TCF7: variants seen among roughly 807,000 people sequenced by gnomAD.
TCF7 encodes the protein transcription factor 7.
TCF7 carries 19 observed loss-of-function variants against 46.8 expected under a neutral mutation model. That is an observed-to-expected ratio of 0.41 (90% CI 0.28 to 0.60). TCF7 has a LOEUF of 0.60. Among genes scored for constraint, TCF7 ranks in the 20% least tolerant of loss-of-function variants. The probability of loss-of-function intolerance (pLI) is 0.35; values close to 1 mark genes in which losing one functional copy is unlikely to be tolerated. For missense variants in TCF7, 547 were observed against 504.6 expected, an observed-to-expected ratio of 1.08 and a Z score of -0.81; for synonymous variants, 245 against 213.4, an observed-to-expected ratio of 1.15 and a Z score of -1.29.
chr5:134,137,674 T>G (rs531026797), intron 3 of TCF7, among the ~76,000 whole-genome samples: 29 of 152,092 alleles, frequency 1.9e-4, no homozygotes, highest in Non-Finnish European at 3.1e-4. Context: ...TAGCTGTGCT[T>G]CTTCCAGGGT....
upstream of TCF7, among the ~76,000 whole-genome samples, chr5:134,111,656 TG>T (rs528132501): frequency 2.6e-4 from 39 of 152,198 alleles, no homozygotes; most frequent in African/African-American, 8.2e-4. Context: ...ATCCTGTTGA[TG>T]GCCCCCTTCA....
intron 5 of TCF7, chr5:134,140,628 T>G: frequency 2.8e-6 from 1 of 362,806 alleles, no homozygotes. Flanking sequence ...CATACAAGTT[T>G]ATAGAGGGAA....
chr5:134,131,718 C>T (rs781003264), intron 3 of TCF7, among the ~76,000 whole-genome samples: 1 of 152,246 alleles, frequency 6.6e-6, no homozygotes, highest in Non-Finnish European at 1.5e-5. Flanking sequence ...CCCAGGCCAA[C>T]CTCTCTGCCA....
chr5:134,131,591 G>C (rs1758132347), intron 3 of TCF7, among the ~76,000 whole-genome samples: 1 of 152,194 alleles, frequency 6.6e-6, no homozygotes, highest in Non-Finnish European at 1.5e-5. Context: ...TGGCTGAGGA[G>C]GGAGGCATGC....
Position 134,115,308 on chromosome 5 carries a change from G to T in TCF7, c.250-13G>T. 1.3e-6 allele frequency: 2 copies of T among 1,565,316 alleles called. No individual in the cohort carries two copies. The highest frequency in any genetic ancestry group is 1.2e-5 in the South Asian group (1 of 84,938). The stretch of plus-strand genomic sequence containing the variant: ...TCCCACCGCCCCTCACTCCCCTCCG[G>T]TTCTCCCTCCAGGCTCTCGGGCGGG... On this transcript the variant is annotated splice_polypyrimidine_tract_variant and intron_variant, in intron 1 of 9. Coordinates refer to ENST00000342854, the MANE Select transcript of TCF7 (RefSeq NM_003202.5).
Position 134,147,299 on chromosome 5 carries a change from G to T in TCF7, c.*996G>T, listed in dbSNP as rs1336279261. 6.6e-6 allele frequency: 1 copy of T among 152,306 alleles called. No individual in the cohort carries two copies. The highest frequency in any genetic ancestry group is 1.5e-5 in the Non-Finnish European group (1 of 68,124). The allele number at this position is 152,306 out of a possible 1,614,324, so 9.4% of individuals were successfully genotyped here. A position where few individuals can be genotyped will look rare whatever the true frequency, so the allele number is the denominator to read the frequency against. On this transcript the variant is annotated 3_prime_UTR_variant, in exon 10 of 10. Coordinates refer to ENST00000342854, the MANE Select transcript of TCF7 (RefSeq NM_003202.5). ...GGCCCCAGGCTTGTCACTAGCAGCTGCAGTCAACAGTTCAAAGAAGTCATG... is the reference window on the plus strand; with the variant it reads ...GGCCCCAGGCTTGTCACTAGCAGCTTCAGTCAACAGTTCAAAGAAGTCATG...
At chr5:134,145,819 G>C (rs372648844) in intron 9 of TCF7, 1 of 1,613,212 alleles carries the variant, frequency 6.2e-7, no homozygotes, top group African/African-American at 1.3e-5. Flanking sequence ...AGCCCAGCTT[G>C]AGGACTGGGA....
At chr5:134,115,294 C>T in intron 1 of TCF7, 27 bp from the exon 2 acceptor site, 1 of 1,542,210 alleles carries the variant, frequency 6.5e-7, no homozygotes, top group Non-Finnish European at 8.7e-7. Context: ...CCCACCGCCC[C>T]TCACTCCCCT....
intron 4 of TCF7, 98 bp downstream of exon 4, chr5:134,138,262 G>C (rs973746174): frequency 4.4e-5 from 48 of 1,079,204 alleles, no homozygotes; most frequent in Admixed American, 2.4e-4. Flanking sequence ...TTTATAACTG[G>C]AGAACCTGGG....
At chr5:134,112,916 G>A (rs1755355649), upstream of TCF7, among the ~76,000 whole-genome samples, 1 of 152,176 alleles carries the variant, frequency 6.6e-6, no homozygotes, top group Non-Finnish European at 1.5e-5. Flanking sequence ...CAGCTATTCT[G>A]GAGGACGTTC....
rs756967795 is a variant in TCF7 at position 134,142,252 on chromosome 5, G to A, written c.703G>A (p.Ala235Thr). Residue 235 changes from alanine to threonine, a missense_variant, in exon 6 of 10, where the codon GCC (alanine) becomes ACC (threonine). Physicochemically the swap from Ala to Thr is moderately conservative, Grantham distance 58. This residue lies in a region of TCF7 where 425 missense variants were observed against 349.9 expected (regional missense o/e 1.21). Coordinates refer to ENST00000342854, the MANE Select transcript of TCF7 (RefSeq NM_003202.5). Reference sequence around the variant, plus strand: ...TCACCCAGCAGCCATCCCCCACCCGGCCATTGTGCCCCCCTCAGGGAAGCA... The same window carrying A: ...TCACCCAGCAGCCATCCCCCACCCGACCATTGTGCCCCCCTCAGGGAAGCA... ...PGHPAAIPHP[A>T]IVPPSGKQEL... The A allele has an allele frequency of 5.0e-6, 8 of 1,609,158 alleles. No individual in the cohort carries two copies. The highest frequency in any genetic ancestry group is 6.0e-6 in the Non-Finnish European group (7 of 1,176,384).
chr5:134,130,402 G>A (rs1757955050), intron 3 of TCF7, among the ~76,000 whole-genome samples: 1 of 152,176 alleles, frequency 6.6e-6, no homozygotes, highest in Non-Finnish European at 1.5e-5. Context: ...CTGACTGGTG[G>A]GCCCTAGCAG....
At chr5:134,137,708 C>T (rs1759097687) in intron 3 of TCF7, among the ~76,000 whole-genome samples, 3 of 150,942 alleles carry the variant, frequency 2.0e-5, no homozygotes, top group Middle Eastern at 3.4e-3. Context: ...CCTGGGTCCT[C>T]AGGCCATGCC....
At chr5:134,145,936 C>A in intron 9 of TCF7, 2 of 1,495,652 alleles carry the variant, frequency 1.3e-6, no homozygotes, top group East Asian at 4.9e-5. Context: ...GGAGATGACT[C>A]CCTTGGAAGA....
chr5:134,146,635 C>T lies in TCF7; in HGVS notation c.*332C>T. The stretch of plus-strand genomic sequence containing the variant: ...TTAACGTCATCTCAGGGTCCAGACC[C>T]TGAAGATTTCAGAGGCTGCAGGACT... On this transcript the variant is annotated 3_prime_UTR_variant, in exon 10 of 10. Transcript: ENST00000342854. The T allele has an allele frequency of 1.5e-6, 1 of 665,566 alleles. No homozygotes were observed. Among genetic ancestry groups the T allele is most frequent in the South Asian group, 1.7e-5 (1 of 59,974 alleles). 41.2% of individuals were successfully genotyped at this position (665,566 alleles called of 1,614,324 possible).
chr5:134,112,035 C>T (rs975105401), upstream of TCF7, among the ~76,000 whole-genome samples: 1 of 152,112 alleles, frequency 6.6e-6, no homozygotes, highest in Non-Finnish European at 1.5e-5. Context: ...TGAGGTTGGT[C>T]GTTGTGTAGA....
intron 3 of TCF7, among the ~76,000 whole-genome samples, chr5:134,125,928 C>T (rs953827378): frequency 6.6e-6 from 1 of 152,232 alleles, no homozygotes; most frequent in African/African-American, 2.4e-5. Context: ...TCTCTATGAC[C>T]AACTGCAAAC....
chr5:134,145,309 G>T (rs765857622), intron 9 of TCF7: 37 of 538,292 alleles, frequency 6.9e-5, no homozygotes, highest in Admixed American at 3.8e-4. Context: ...AAAAAGCAAG[G>T]TGACAACAAC....
chr5:134,111,065 G>C (rs1561638190), upstream of TCF7, among the ~76,000 whole-genome samples: 1 of 152,128 alleles, frequency 6.6e-6, no homozygotes, highest in Non-Finnish European at 1.5e-5. Flanking sequence ...GGTTCATCTC[G>C]ACTGCACTCC....
Sources: gnomAD v4.1 joint callset for allele counts (sites outside exome capture counted in the v4.1 genomes callset) on GRCh38, gnomAD v4.1.1 for gene constraint, gnomAD v4.1.1 regional missense constraint, MANE v1.5 for transcripts, NCBI Gene and HGNC (gene_info 2026-07-23, HGNC 2026-07-21) for gene names.